IL23R: variants seen among roughly 807,000 people sequenced by gnomAD.
IL23R encodes interleukin-23 receptor.
In IL23R, 34 loss-of-function variants were observed where a neutral mutation model predicts 56.9. The ratio of observed to expected loss-of-function variants is 0.60; its 90% CI spans 0.45 to 0.80. IL23R has a LOEUF of 0.80. Ranked by LOEUF, IL23R falls within the 30% of genes least tolerant of loss-of-function variation. The probability of loss-of-function intolerance (pLI) is 0.00; values close to 1 mark genes in which losing one functional copy is unlikely to be tolerated. For missense variants in IL23R, 635 were observed against 730.0 expected (o/e 0.87, Z 1.50); for synonymous variants, 230 against 249.2 (o/e 0.92, Z 0.73).
intron 9 of IL23R, among the ~76,000 whole-genome samples, chr1:67,251,451 CA>C (rs34047151): frequency 5.8e-4 from 74 of 127,820 alleles, no homozygotes; most frequent in Admixed American, 6.7e-4. Flanking sequence ...GACTCTGTCT[CA>C]AAAAAAAAAA....
intron 7 of IL23R, among the ~76,000 whole-genome samples, chr1:67,228,319 A>G (rs1188938045): frequency 4.0e-5 from 6 of 148,972 alleles, no homozygotes; most frequent in African/African-American, 1.5e-4. Context: ...AAGTACCTGG[A>G]ACTACAGGCA....
intron 1 of IL23R, among the ~76,000 whole-genome samples, chr1:67,148,085 G>A (rs1646695624): frequency 6.6e-6 from 1 of 152,258 alleles, no homozygotes; most frequent in Non-Finnish European, 1.5e-5. Context: ...CGATTGGGAT[G>A]AACCTGGGCA....
At chr1:67,240,490 A>T (rs1325759651) in intron 9 of IL23R, among the ~76,000 whole-genome samples, 1 of 152,236 alleles carries the variant, frequency 6.6e-6, no homozygotes, top group Admixed American at 6.5e-5. Flanking sequence ...ACCCTGCCAG[A>T]AAAGCTTCCT....
chr1:67,245,705 G>T (rs918125304), intron 9 of IL23R, among the ~76,000 whole-genome samples: 1 of 152,112 alleles, frequency 6.6e-6, no homozygotes, highest in Non-Finnish European at 1.5e-5. Context: ...GCTGGATTCC[G>T]TTTGCCAGTA....
In IL23R at chr1:67,204,087, G is replaced by C. The variant is rs376902223; in HGVS notation, c.653-2823G>C. Among the ~76,000 whole-genome samples, 5 of 151,710 alleles carry C rather than the reference G, an allele frequency of 3.3e-5. No homozygotes were observed. The East Asian group carries it at 7.7e-4, about 23-fold the overall frequency. Reference sequence around the variant, plus strand: ...TACTTTTTTTTTCTTTTTTTGAGACGGAGTCTCGCTCTGTCGCCCAGGCTG... The same window carrying C: ...TACTTTTTTTTTCTTTTTTTGAGACCGAGTCTCGCTCTGTCGCCCAGGCTG... On this transcript the variant is annotated intron_variant, in intron 5 of 10. Transcript: ENST00000347310.
chr1:67,175,247 G>A (rs575119091), intron 3 of IL23R, among the ~76,000 whole-genome samples: 26 of 152,192 alleles, frequency 1.7e-4, no homozygotes, highest in Non-Finnish European at 2.8e-4. Flanking sequence ...CAGGAATGGG[G>A]GTGGGATGAG....
At position 67,228,137 on chromosome 1, in the gene IL23R, T is replaced by C. The variant is rs1234649384; in HGVS notation, c.955+8407T>C. Among the ~76,000 whole-genome samples, 900 of 136,344 alleles carry C rather than the reference T, an allele frequency of 6.6e-3. 18 individuals carry two copies. Among genetic ancestry groups the C allele is most frequent in the East Asian group, 0.015 (73 of 4,744 alleles). 89.4% of individuals were successfully genotyped at this position (136,344 alleles called of 152,430 possible). ...CTTTCTTTCTTTCTTTCCTTCTTTC[T>C]TTCTGTCTTTCTTTTTCCTTCCTTC... On this transcript the variant is annotated intron_variant, in intron 7 of 10. Coordinates refer to ENST00000347310, the MANE Select transcript of IL23R (RefSeq NM_144701.3).
chr1:67,197,910 T>C (rs901339388), intron 4 of IL23R, among the ~76,000 whole-genome samples: 1 of 151,244 alleles, frequency 6.6e-6, no homozygotes, highest in African/African-American at 2.4e-5. Context: ...CACTCCAGCC[T>C]GGGTGACAGA....
At chr1:67,156,335 C>T (rs1646769844) in intron 1 of IL23R, among the ~76,000 whole-genome samples, 2 of 152,176 alleles carry the variant, frequency 1.3e-5, no homozygotes. Flanking sequence ...TGGGAGAATT[C>T]CTTTTGTCAG....
chr1:67,169,623 G>A lies in IL23R; in HGVS notation c.352G>A (p.Asp118Asn). ...HFQETLICGK[D>N]ISSGYPPDIP... ...TCAAGAGACACTGATATGTGGAAAA[G>A]ACATTTCTTCTGGATGTAAGTGTTG... Residue 118 changes from aspartate to asparagine, a missense_variant, in exon 3 of 11, where the codon GAC becomes AAC. Coordinates refer to ENST00000347310, the MANE Select transcript of IL23R (RefSeq NM_144701.3). The A allele has an allele frequency of 6.8e-6, 11 of 1,614,048 alleles. No homozygotes were observed. The highest frequency in any genetic ancestry group is 9.3e-6 in the Non-Finnish European group (11 of 1,179,938).
chr1:67,209,301 T>C (rs193148638), intron 6 of IL23R, among the ~76,000 whole-genome samples: 4 of 152,304 alleles, frequency 2.6e-5, no homozygotes. Context: ...ATAGTTGGTT[T>C]TGAAATGTGA....
In IL23R at chr1:67,255,855, ATTG is replaced by A; in HGVS notation, c.1170_1172del (p.Leu391del). 1 of 1,566,178 alleles carries A rather than the reference ATTG, an allele frequency of 6.4e-7. No individual in the cohort carries two copies. Among genetic ancestry groups the A allele is most frequent in the African/African-American group, 1.3e-5 (1 of 74,136 alleles). ...TTTTTAGGATTAAAAGAAGGATCTT[ATTG>A]TTAATACCAAAGTGGCTTTATGAAG... On this transcript the variant is annotated inframe_deletion, in exon 10 of 11. Transcript: ENST00000347310.
intron 7 of IL23R, among the ~76,000 whole-genome samples, chr1:67,223,436 T>A (rs1650428711): frequency 1.3e-5 from 2 of 152,170 alleles, no homozygotes; most frequent in South Asian, 4.1e-4. Context: ...GTTTAACATG[T>A]TAGCTAAGAG....
At chr1:67,249,543 A>G (rs939160535) in intron 9 of IL23R, among the ~76,000 whole-genome samples, 1 of 152,222 alleles carries the variant, frequency 6.6e-6, no homozygotes, top group Non-Finnish European at 1.5e-5. Context: ...TTGAAAGGAT[A>G]TACTCAGACA....
At chr1:67,176,128 G>A (rs577479046) in intron 3 of IL23R, among the ~76,000 whole-genome samples, 79 of 152,304 alleles carry the variant, frequency 5.2e-4, no homozygotes, top group Admixed American at 4.6e-3. Context: ...AGCAACAATG[G>A]TTTTGGTGGA....
chr1:67,237,804 T>C (rs1651584331), intron 8 of IL23R, among the ~76,000 whole-genome samples: 1 of 152,206 alleles, frequency 6.6e-6, no homozygotes, highest in Non-Finnish European at 1.5e-5. Flanking sequence ...TTTATCTCCT[T>C]GTGTAGAAAT....
intron 7 of IL23R, among the ~76,000 whole-genome samples, chr1:67,230,678 C>A (rs570376094): frequency 6.6e-6 from 1 of 152,266 alleles, no homozygotes; most frequent in South Asian, 2.1e-4. Context: ...TACCCTGCTA[C>A]CCTTATATAC....
chr1:67,214,327 G>A (rs368566538), intron 6 of IL23R, among the ~76,000 whole-genome samples: 1 of 152,192 alleles, frequency 6.6e-6, no homozygotes, highest in Non-Finnish European at 1.5e-5. Flanking sequence ...GTGATGTAGA[G>A]TCTGTGAGAG....
At chr1:67,219,805 C>A in intron 7 of IL23R, 75 bp downstream of exon 7, 1 of 1,404,642 alleles carries the variant, frequency 7.1e-7, no homozygotes, top group Non-Finnish European at 1.0e-6. Context: ...GTGGCTCACA[C>A]CTATAATTCC....
Sources: allele counts gnomAD v4.1 joint callset (sites outside exome capture counted in the v4.1 genomes callset), GRCh38; gene constraint gnomAD v4.1.1; transcripts MANE v1.5; gene names NCBI Gene and HGNC (gene_info 2026-07-23, HGNC 2026-07-21).